The following CAST variants were observed in gnomAD, a reference collection of about 807,000 sequenced individuals.
The protein encoded by CAST is MIR583 host.
In CAST, 76 loss-of-function variants were observed where a neutral mutation model predicts 119.6. The ratio of observed to expected loss-of-function variants is 0.64; its 90% CI spans 0.53 to 0.77. The LOEUF (loss-of-function observed/expected upper bound fraction) is 0.77. Among genes scored for constraint, CAST ranks in the 30% least tolerant of loss-of-function variants. CAST has a pLI of 0.00. For synonymous variants in CAST, 319 were observed against 331.6 expected (o/e 0.96, Z 0.41); for missense variants, 953 against 946.5 (o/e 1.01, Z -0.09).
At chr5:96,409,440 T>C in the CAST span, among the ~76,000 whole-genome samples, 1 of 152,204 alleles carries the variant, frequency 6.6e-6, no homozygotes, top group Non-Finnish European at 1.5e-5. Flanking sequence ...GAGATGACTA[T>C]GCTGAGGAAA....
the CAST span, among the ~76,000 whole-genome samples, chr5:96,453,368 T>C: frequency 1.3e-5 from 2 of 152,362 alleles, no homozygotes; most frequent in African/African-American, 4.8e-5. Flanking sequence ...ATTTTCCAGA[T>C]TAGCTTTATT....
chr5:96,766,833 T>C (rs1424599314), intron 27 of CAST, among the ~76,000 whole-genome samples: 1 of 151,834 alleles, frequency 6.6e-6, no homozygotes, highest in East Asian at 1.9e-4. Flanking sequence ...CACCCTTCTC[T>C]TTCTGTACTG....
the CAST span, among the ~76,000 whole-genome samples, chr5:96,492,415 A>AT: frequency 9.2e-5 from 14 of 152,096 alleles, no homozygotes; most frequent in Non-Finnish European, 1.5e-4. Context: ...TAATAAAAGC[A>AT]TTTTTTTTCC....
At chr5:96,665,760 A>G (rs534395350) in intron 1 of CAST, among the ~76,000 whole-genome samples, 22 of 139,926 alleles carry the variant, frequency 1.6e-4, no homozygotes, top group African/African-American at 5.2e-4. Flanking sequence ...ACACACACAC[A>G]TATACATACA....
the CAST span, among the ~76,000 whole-genome samples, chr5:96,477,306 GCACACA>G: frequency 2.5e-4 from 37 of 145,404 alleles, no homozygotes; most frequent in Admixed American, 5.4e-4. Context: ...ACGCACGCGT[GCACACA>G]CACACACACA....
the CAST span, among the ~76,000 whole-genome samples, chr5:96,117,826 G>A: frequency 8.5e-5 from 13 of 152,174 alleles, no homozygotes; most frequent in African/African-American, 3.1e-4. Context: ...GTTTGAAAAA[G>A]GGAAGAACCA....
the CAST span, among the ~76,000 whole-genome samples, chr5:96,345,307 TA>T: frequency 4.6e-5 from 7 of 151,322 alleles, no homozygotes; most frequent in Non-Finnish European, 8.8e-5. Context: ...GAAGAGTCCC[TA>T]ATCTATGCTT....
chr5:96,600,944 C>T (rs1318004672), intron 1 of CAST, among the ~76,000 whole-genome samples: 2 of 152,170 alleles, frequency 1.3e-5, no homozygotes, highest in Non-Finnish European at 2.9e-5. Flanking sequence ...GCCCCTGCTC[C>T]TCCTTCTCTG....
rs547328019 is a variant in CAST at position 96,642,345 on chromosome 5, T to C, written c.61-33194T>C. On this transcript the variant is annotated intron_variant, in intron 1 of 11. Coordinates refer to the CAST transcript ENST00000505143. Reference sequence around the variant, plus strand: ...TTGTTAAATGGATAAGGACACATTATTGGGTCTTTCCAGGCTAAACTTTCT... The same window carrying C: ...TTGTTAAATGGATAAGGACACATTACTGGGTCTTTCCAGGCTAAACTTTCT... Among the ~76,000 whole-genome samples the C allele has an allele frequency of 1.4e-3, 207 of 152,270 alleles. 5 individuals are homozygous for C. The South Asian group carries it at 0.026, about 19-fold the overall frequency.
At chr5:96,642,597 A>G (rs1370917804) in intron 1 of CAST, among the ~76,000 whole-genome samples, 1 of 150,426 alleles carries the variant, frequency 6.6e-6, no homozygotes, top group Non-Finnish European at 1.5e-5. Flanking sequence ...GCTGGAGTGC[A>G]GTATCCTGAT....
At chr5:96,230,719 CT>C in the CAST span, among the ~76,000 whole-genome samples, 1 of 152,078 alleles carries the variant, frequency 6.6e-6, no homozygotes, top group Non-Finnish European at 1.5e-5. Flanking sequence ...GGTCTATAGA[CT>C]GGGAGACAAT....
the CAST span, among the ~76,000 whole-genome samples, chr5:96,175,729 G>A: frequency 6.6e-6 from 1 of 152,184 alleles, no homozygotes; most frequent in Non-Finnish European, 1.5e-5. Flanking sequence ...GCATGTTTTT[G>A]TTTTAGTGGT....
the CAST span, among the ~76,000 whole-genome samples, chr5:96,250,243 A>G: frequency 2.0e-5 from 3 of 152,194 alleles, no homozygotes; most frequent in Non-Finnish European, 2.9e-5. Context: ...AAGGCTTTAT[A>G]TAAAAAAGGG....
chr5:96,709,779 T>G (rs1755729397), intron 3 of CAST, among the ~76,000 whole-genome samples: 1 of 152,232 alleles, frequency 6.6e-6, no homozygotes, highest in Admixed American at 6.5e-5. Flanking sequence ...TATTATTTTC[T>G]GAAAATTTAA....
chr5:96,154,234 C>T, the CAST span, among the ~76,000 whole-genome samples: 2 of 151,364 alleles, frequency 1.3e-5, no homozygotes, highest in East Asian at 1.9e-4. Context: ...GCCAAGATAG[C>T]GCCACTGCAC....
the CAST span, among the ~76,000 whole-genome samples, chr5:96,212,753 C>T: frequency 6.6e-6 from 1 of 152,098 alleles, no homozygotes; most frequent in Non-Finnish European, 1.5e-5. Flanking sequence ...TCAGATATTT[C>T]ATAACTCTGT....
the CAST span, among the ~76,000 whole-genome samples, chr5:96,013,739 A>G: frequency 2.6e-5 from 4 of 152,176 alleles, no homozygotes; most frequent in South Asian, 2.1e-4. Flanking sequence ...TTATAATACA[A>G]TGGTAGGTAT....
At chr5:96,332,795 A>C in the CAST span, among the ~76,000 whole-genome samples, 1 of 152,144 alleles carries the variant, frequency 6.6e-6, no homozygotes. Flanking sequence ...ACGCCTTCAC[A>C]TACACCCCAT....
the CAST span, among the ~76,000 whole-genome samples, chr5:96,024,682 A>G: frequency 1.3e-5 from 2 of 152,210 alleles, no homozygotes; most frequent in Non-Finnish European, 2.9e-5. Context: ...CAAGTGAATT[A>G]GGCTCTCTGT....
Sources: gnomAD v4.1 joint callset for allele counts (sites outside exome capture counted in the v4.1 genomes callset) on GRCh38, gnomAD v4.1.1 for gene constraint, MANE v1.5 for transcripts, NCBI Gene and HGNC (gene_info 2026-07-23, HGNC 2026-07-21) for gene names.